Variants in FMO1 observed in about 807,000 individuals in gnomAD.
FMO1 encodes the protein flavin-containing monooxygenase 1.
Under a neutral mutation model 45.4 loss-of-function variants are expected in FMO1, and 36 were observed. That is an observed-to-expected ratio of 0.79 (90% CI 0.61 to 1.05). The LOEUF (loss-of-function observed/expected upper bound fraction) is 1.05. FMO1 is among the 50% of genes least tolerant of loss of function. The probability of loss-of-function intolerance (pLI) is 0.00; values close to 1 mark genes in which losing one functional copy is unlikely to be tolerated. For missense variants in FMO1, 615 were observed against 640.3 expected (o/e 0.96, Z 0.43); for synonymous variants, 228 against 227.2 (o/e 1.00, Z -0.03).
rs950218476 is a variant in FMO1, at chr1:171,258,346, G to T, written c.132+127G>T. The T allele has an allele frequency of 5.5e-6, 6 of 1,088,522 alleles. No individual in the cohort carries two copies. The African/African-American group carries it at 9.4e-5, about 17-fold the overall frequency. The allele number at this position is 1,088,522 out of a possible 1,614,324, so 67.4% of individuals were successfully genotyped here. On this transcript the variant is annotated intron_variant, in intron 2 of 8. Coordinates refer to ENST00000617670, the MANE Select transcript of FMO1 (RefSeq NM_001282693.2). Reference sequence around the variant, plus strand: ...AGGTTAGAAATGTCTGCTGAACAGGGGACCATGAGGAGCCACTGAAATTGT... The same window carrying T: ...AGGTTAGAAATGTCTGCTGAACAGGTGACCATGAGGAGCCACTGAAATTGT...
chr1:171,284,999 T>C (rs942411111), intron 8 of FMO1, among the ~76,000 whole-genome samples: 6 of 152,136 alleles, frequency 3.9e-5, no homozygotes, highest in East Asian at 1.9e-4. Context: ...TTAAAAGCCA[T>C]ATGTATAAAG....
At chr1:171,269,013 C>T (rs1660737676) in intron 3 of FMO1, among the ~76,000 whole-genome samples, 1 of 152,172 alleles carries the variant, frequency 6.6e-6, no homozygotes, top group Admixed American at 6.5e-5. Flanking sequence ...TGCTTGCTGC[C>T]ATGCACGTAA....
At chr1:171,250,335 AAC>A (rs1200156009) in intron 1 of FMO1, among the ~76,000 whole-genome samples, 26 of 152,234 alleles carry the variant, frequency 1.7e-4, no homozygotes, top group African/African-American at 6.3e-4. Context: ...CAGCAAATGG[AAC>A]ACAGTCTTTT....
chr1:171,261,585 A>G (rs1463882465), intron 2 of FMO1, among the ~76,000 whole-genome samples: 2 of 152,124 alleles, frequency 1.3e-5, no homozygotes, highest in African/African-American at 2.4e-5. Flanking sequence ...TATAGACATC[A>G]TAAATTACTG....
rs12720462 is a variant in FMO1 at position 171,248,552 on chromosome 1, C to A, written c.-78C>A. ...AAGCCAGCACTGGCTCATACTGATTCATTTTGATCTCTGCTAATACCAGAG... is the reference window on the plus strand; with the variant it reads ...AAGCCAGCACTGGCTCATACTGATTAATTTTGATCTCTGCTAATACCAGAG... On this transcript the variant is annotated 5_prime_UTR_variant, in exon 1 of 9. Coordinates refer to ENST00000617670, the MANE Select transcript of FMO1 (RefSeq NM_001282693.2). 0.11 allele frequency: 17,105 copies of A among 152,252 alleles called. 1,154 individuals carry two copies. Among genetic ancestry groups the A allele is most frequent in the East Asian group, 0.25 (1,297 of 5,156 alleles). The allele number at this position is 152,252 out of a possible 1,614,324, so 9.4% of individuals were successfully genotyped here. A position where few individuals can be genotyped will look rare whatever the true frequency, so the allele number is the denominator to read the frequency against.
At chr1:171,269,212 A>C (rs1483077983) in intron 3 of FMO1, among the ~76,000 whole-genome samples, 1 of 152,176 alleles carries the variant, frequency 6.6e-6, no homozygotes, top group Non-Finnish European at 1.5e-5. Flanking sequence ...AAAAGATATC[A>C]AAAAATGTAG....
chr1:171,259,858 GTGGGGGA>G (rs1660307002), intron 2 of FMO1, among the ~76,000 whole-genome samples: 1 of 152,218 alleles, frequency 6.6e-6, no homozygotes, highest in African/African-American at 2.4e-5. Context: ...ACAAAACCCT[GTGGGGGA>G]CACAAAAATG....
chr1:171,261,344 A>ACAC (rs1660372376), intron 2 of FMO1, among the ~76,000 whole-genome samples: 1 of 118,974 alleles, frequency 8.4e-6, no homozygotes, highest in African/African-American at 4.3e-5. Flanking sequence ...CACACACACA[A>ACAC]AAGGTTAGAG....
intron 7 of FMO1, 171 bp from the exon 8 acceptor site, chr1:171,282,973 A>G: frequency 2.0e-6 from 1 of 504,844 alleles, no homozygotes; most frequent in Non-Finnish European, 3.6e-6. Context: ...CGGCATTATT[A>G]CCAGGAGCAT....
In FMO1 at chr1:171,282,141, T is replaced by C. The variant is rs1661385405; in HGVS notation, c.991T>C (p.Tyr331His). Residue 331 changes from tyrosine (Y) to histidine (H), a missense_variant, in exon 7 of 9, where the codon TAC becomes CAC. Transcript: ENST00000617670. The part of the protein sequence containing the change: ...PIDIIVFATG[Y>H]TFAFPFLDES... Reference sequence around the variant, plus strand: ...TGACATCATTGTCTTTGCCACTGGATACACATTTGCTTTCCCCTTCCTTGA... The same window carrying C: ...TGACATCATTGTCTTTGCCACTGGACACACATTTGCTTTCCCCTTCCTTGA... 6.2e-7 allele frequency: 1 copy of C among 1,613,932 alleles called. No individual in the cohort carries two copies. The highest frequency in any genetic ancestry group is 8.5e-7 in the Non-Finnish European group (1 of 1,179,916).
chr1:171,258,368 T>C (rs1426134503), intron 2 of FMO1, 149 bp downstream of exon 2: 1 of 930,380 alleles, frequency 1.1e-6, no homozygotes, highest in African/African-American at 1.6e-5. Context: ...GCCACTGAAA[T>C]TGTAAAAGAA....
chr1:171,279,031 T>C (rs1661242838), intron 5 of FMO1, among the ~76,000 whole-genome samples, 160 bp downstream of exon 5: 1 of 152,172 alleles, frequency 6.6e-6, no homozygotes, highest in African/African-American at 2.4e-5. Flanking sequence ...TCACAAATTT[T>C]TCTATGAATT....
In FMO1 at chr1:171,249,757, G is replaced by A. The variant is rs28384818; in HGVS notation, c.-7+1134G>A. Among the ~76,000 whole-genome samples the A allele has an allele frequency of 8.5e-3, 1,293 of 152,112 alleles. 17 individuals carry two copies. Among genetic ancestry groups the A allele is most frequent in the African/African-American group, 0.028 (1,170 of 41,484 alleles). ...GGAGTAGGGAAGGAGGAGAAGATGG[G>A]GAATGCATAAATAGAGGGCTGGATA... On this transcript the variant is annotated intron_variant, in intron 1 of 8. Transcript: ENST00000617670.
chr1:171,269,497 A>G (rs907890134), intron 3 of FMO1, among the ~76,000 whole-genome samples: 6 of 152,276 alleles, frequency 3.9e-5, no homozygotes, highest in African/African-American at 1.4e-4. Context: ...ATCATCCGGG[A>G]CTTAGATGTT....
At chr1:171,270,825 A>G in intron 3 of FMO1, 3 of 757,310 alleles carry the variant, frequency 4.0e-6, no homozygotes, top group Non-Finnish European at 4.0e-6. Flanking sequence ...ATAAAAAAAG[A>G]CACTGTACAG....
At position 171,280,800 on chromosome 1, in the gene FMO1, C is replaced by T. The variant is rs745415021; in HGVS notation, c.642C>T (p.Thr214=). 1.6e-5 allele frequency: 25 copies of T among 1,612,616 alleles called. No individual in the cohort carries two copies. Among genetic ancestry groups the T allele is most frequent in the Non-Finnish European group, 2.0e-5 (24 of 1,179,696 alleles). Residue 214 remains threonine (T), a synonymous_variant, in exon 6 of 9, where the codon ACC becomes ACT. Transcript: ENST00000617670. ...SHLAEKVFLS[T]TGGGWVISRI... Reference sequence around the variant, plus strand: ...ATTGCTTCCAGGTGTTCCTCAGCACCACCGGAGGGGGATGGGTGATCAGCC... The same window carrying T: ...ATTGCTTCCAGGTGTTCCTCAGCACTACCGGAGGGGGATGGGTGATCAGCC...
At position 171,285,583 on chromosome 1, in the gene FMO1, T is replaced by C. The variant is rs766141619; in HGVS notation, c.*39T>C. On this transcript the variant is annotated 3_prime_UTR_variant, in exon 9 of 9. Coordinates refer to ENST00000617670, the MANE Select transcript of FMO1 (RefSeq NM_001282693.2). ...TAAATGGAAGATGCACAGAGTAGAT[T>C]TACAATGCTCCAATTCCTCTCTTAC... is the stretch of plus-strand genomic sequence containing the variant. 31 of 1,220,338 alleles carry C rather than the reference T, an allele frequency of 2.5e-5. No homozygotes were observed. Among genetic ancestry groups the C allele is most frequent in the Admixed American group, 2.0e-4 (8 of 40,962 alleles). The allele number at this position is 1,220,338 out of a possible 1,614,324, so 75.6% of individuals were successfully genotyped here. A position where few individuals can be genotyped will look rare whatever the true frequency, so the allele number is the denominator to read the frequency against.
intron 3 of FMO1, among the ~76,000 whole-genome samples, 194 bp from the exon 4 acceptor site, chr1:171,275,152 T>C (rs1212440401): frequency 6.6e-6 from 1 of 152,212 alleles, no homozygotes; most frequent in African/African-American, 2.4e-5. Context: ...GTCTTAGATA[T>C]CTCTCCAAGC....
chr1:171,282,284 G>A lies in FMO1; in HGVS notation c.1134G>A (p.Met378Ile), dbSNP rs1366772200. 6 of 1,613,766 alleles carry A rather than the reference G, an allele frequency of 3.7e-6. 1 individual carries two copies. In the South Asian group the frequency reaches 6.6e-5, roughly 18 times the overall value. ...IIGLIKPLGSMIPTGETQARW... is the reference protein window; with the variant it reads ...IIGLIKPLGSIIPTGETQARW... ...GCCTCATCAAACCCTTGGGCTCCAT[G>A]ATACCTACAGGAGAAACACAAGCTC... is the stretch of plus-strand genomic sequence containing the variant. Residue 378 changes from methionine to isoleucine, a missense_variant, in exon 7 of 9, where the codon ATG becomes ATA. Met to Ile is a conservative substitution (Grantham distance 10). Coordinates refer to ENST00000617670, the MANE Select transcript of FMO1 (RefSeq NM_001282693.2).
Sources: allele counts gnomAD v4.1 joint callset (sites outside exome capture counted in the v4.1 genomes callset), GRCh38; gene constraint gnomAD v4.1.1; transcripts MANE v1.5; gene names NCBI Gene and HGNC (gene_info 2026-07-23, HGNC 2026-07-21).